CTBP1: variants seen among roughly 807,000 people sequenced by gnomAD.
The protein encoded by CTBP1 is C-terminal-binding protein 1.
CTBP1 carries 11 observed loss-of-function variants against 42.1 expected under a neutral mutation model. That is an observed-to-expected ratio of 0.26 (90% CI 0.16 to 0.43). The LOEUF (loss-of-function observed/expected upper bound fraction) is 0.43, where lower values mean the gene tolerates loss of function less well. Among genes scored for constraint, CTBP1 ranks in the 20% least tolerant of loss-of-function variants. The probability of loss-of-function intolerance (pLI) is 1.00; values close to 1 mark genes in which losing one functional copy is unlikely to be tolerated. For missense variants in CTBP1, 399 were observed against 624.3 expected (o/e 0.64, Z 3.85); for synonymous variants, 324 against 277.1 (o/e 1.17, Z -1.68).
chr4:1,242,533 C>A, intron 1 of CTBP1: 1 of 985,096 alleles, frequency 1.0e-6, no homozygotes, highest in Non-Finnish European at 1.2e-6. Context: ...ACTCCCTCTG[C>A]AGGATTCAAG....
chr4:1,232,468 C>T (rs750980830), intron 3 of CTBP1, among the ~76,000 whole-genome samples: 1 of 152,030 alleles, frequency 6.6e-6, no homozygotes, highest in Non-Finnish European at 1.5e-5. Flanking sequence ...CGCACCACCA[C>T]GCGTGGCTAA....
chr4:1,212,275 C>T lies in CTBP1; in HGVS notation c.1255G>A (p.Glu419Lys). Residue 419 changes from glutamate (E) to lysine (K), a missense_variant, in exon 10 of 10, where the codon GAG becomes AAG. Transcript: ENST00000382952. ...APSPGQTVKP[E>K]ADRDHASDQL ...TCACTGGCGTGGTCTCTATCCGCCT[C>T]GGGCTTGACGGTTTGGCCAGGAGAA... 1.7e-6 allele frequency: 2 copies of T among 1,152,566 alleles called. No individual in the cohort carries two copies. Among genetic ancestry groups the T allele is most frequent in the Non-Finnish European group, 1.1e-6 (1 of 870,408 alleles). The allele number at this position is 1,152,566 out of a possible 1,614,324, so 71.4% of individuals were successfully genotyped here.
intron 5 of CTBP1, chr4:1,216,928 G>A (rs1216470064): frequency 1.3e-5 from 2 of 153,138 alleles, no homozygotes; most frequent in Non-Finnish European, 2.9e-5. Flanking sequence ...CCAAGCCCGC[G>A]AACGTGGTGT....
intron 7 of CTBP1, 32 bp from the exon 8 acceptor site, chr4:1,213,637 C>T (rs1325434307): frequency 1.2e-6 from 2 of 1,604,016 alleles, no homozygotes; most frequent in East Asian, 4.5e-5. Flanking sequence ...TCAGTGCAGC[C>T]TGAGTGCTGT....
intron 1 of CTBP1, chr4:1,242,289 C>T (rs1458311403): frequency 1.0e-6 from 1 of 985,416 alleles, no homozygotes; most frequent in Non-Finnish European, 1.2e-6. Flanking sequence ...GCTGCCCACA[C>T]CTGGCCCCTG....
At position 1,229,188 on chromosome 4, in the gene CTBP1, G is replaced by C. The variant is rs541740035; in HGVS notation, c.163-845C>G. ...CCAGGGAGGGCAGGGGCAGTGTGGGGTGCAGAGGCACACAGGTGGAGGAAG... is the reference window on the plus strand; with the variant it reads ...CCAGGGAGGGCAGGGGCAGTGTGGGCTGCAGAGGCACACAGGTGGAGGAAG... On this transcript the variant is annotated intron_variant, in intron 3 of 9. Transcript: ENST00000382952. 6.6e-5 allele frequency among the ~76,000 whole-genome samples: 10 copies of C among 152,312 alleles called. 1 individual carries two copies. In the South Asian group the frequency reaches 2.1e-3, roughly 32 times the overall value.
intron 9 of CTBP1, 47 bp downstream of exon 9, chr4:1,212,866 G>C: frequency 5.3e-6 from 8 of 1,507,102 alleles, no homozygotes; most frequent in Non-Finnish European, 7.4e-6. Context: ...TCCAGGGGAA[G>C]CCTGGGGCCC....
chr4:1,237,772 G>A, intron 3 of CTBP1: 2 of 697,776 alleles, frequency 2.9e-6, no homozygotes. Flanking sequence ...TGGGGCTCAG[G>A]ACAAACCCCG....
At chr4:1,226,663 T>G (rs1441330975) in intron 4 of CTBP1, among the ~76,000 whole-genome samples, 1 of 147,992 alleles carries the variant, frequency 6.8e-6, no homozygotes, top group Non-Finnish European at 1.5e-5. Context: ...ACTCCACGGG[T>G]AACAGAGATG....
At chr4:1,236,355 C>T in intron 3 of CTBP1, 1 of 461,882 alleles carries the variant, frequency 2.2e-6, no homozygotes, top group Non-Finnish European at 3.9e-6. Flanking sequence ...CCAAAGGCTG[C>T]TCACTGCTGG....
intron 6 of CTBP1, among the ~76,000 whole-genome samples, chr4:1,214,756 G>A (rs2108708416): frequency 6.6e-6 from 1 of 152,296 alleles, no homozygotes; most frequent in Non-Finnish European, 1.5e-5. Context: ...ACTGGGCGGG[G>A]GCTCCTGGCT....
rs775346532 is a variant in CTBP1, at chr4:1,225,523, C to A, written c.351G>T (p.Thr117=). The part of the protein sequence containing the change: ...CNVPAASVEE[T]ADSTLCHILN... ...GGATGTGGCACAGCGTCGAGTCGGC[C>A]GTCTCCTCCACAGACGCCGCGGGCA... Residue 117 remains threonine, a synonymous_variant, in exon 5 of 10, where the codon ACG becomes ACT. Transcript: ENST00000382952. The A allele has an allele frequency of 2.6e-6, 4 of 1,544,410 alleles. No homozygotes were observed. In the African/African-American group the frequency reaches 5.5e-5, roughly 21 times the overall value.
rs537893393 is a variant in CTBP1 at position 1,213,150 on chromosome 4, G to A, written c.989-120C>T. ...CAGTGTGCTCCTCCCTCTCAGCCCCGGGGCTCCCAAGGCACGGCAGGGTCC... is the reference window on the plus strand; with the variant it reads ...CAGTGTGCTCCTCCCTCTCAGCCCCAGGGCTCCCAAGGCACGGCAGGGTCC... On this transcript the variant is annotated intron_variant, in intron 8 of 9. Coordinates refer to ENST00000382952, the MANE Select transcript of CTBP1 (RefSeq NM_001012614.2). 149 of 932,160 alleles carry A rather than the reference G, an allele frequency of 1.6e-4. No individual in the cohort carries two copies. The African/African-American group carries it at 1.9e-3, about 12-fold the overall frequency. The allele number at this position is 932,160 out of a possible 1,614,324, so 57.7% of individuals were successfully genotyped here.
chr4:1,225,479 G>T lies in CTBP1; in HGVS notation c.395C>A (p.Ala132Asp). Residue 132 changes from alanine to aspartate, a missense_variant, in exon 5 of 10, where the codon GCC becomes GAC. Ala to Asp is a moderately radical substitution (Grantham distance 126). Around this residue, in one of 4 missense-constraint regions of CTBP1, gnomAD observed 309 missense variants for 497.5 expected, o/e 0.62. Transcript: ENST00000382952. ...CCGCAGCGCCTGGTGCAGCCAGGTG[G>T]CCCGCCGGTACAGGTTCAGGATGTG... is the stretch of plus-strand genomic sequence containing the variant. ...LCHILNLYRR[A>D]TWLHQALREG... The T allele has an allele frequency of 6.5e-7, 1 of 1,542,556 alleles. No homozygotes were observed.
intron 1 of CTBP1, among the ~76,000 whole-genome samples, chr4:1,248,254 G>A (rs1213159427): frequency 6.6e-6 from 1 of 151,894 alleles, no homozygotes; most frequent in Non-Finnish European, 1.5e-5. Context: ...GGCCGGTCCG[G>A]GACCTCGCGG....
At chr4:1,231,378 C>T (rs1730954477) in intron 3 of CTBP1, among the ~76,000 whole-genome samples, 1 of 152,238 alleles carries the variant, frequency 6.6e-6, no homozygotes, top group Non-Finnish European at 1.5e-5. Flanking sequence ...CACCTCAAGC[C>T]AACACCCACT....
intron 4 of CTBP1, among the ~76,000 whole-genome samples, chr4:1,226,735 T>G (rs1730390668): frequency 6.6e-6 from 1 of 151,078 alleles, no homozygotes; most frequent in Admixed American, 6.6e-5. Flanking sequence ...CACCCAGGCC[T>G]GCACCCGACA....
intron 3 of CTBP1, among the ~76,000 whole-genome samples, chr4:1,230,562 G>C (rs1033204588): frequency 6.6e-6 from 1 of 152,182 alleles, no homozygotes; most frequent in African/African-American, 2.4e-5. Flanking sequence ...GGATGTGCAG[G>C]GGCCACTTCC....
chr4:1,234,597 G>A (rs1731291390), intron 3 of CTBP1: 1 of 152,258 alleles, frequency 6.6e-6, no homozygotes, highest in Non-Finnish European at 1.5e-5. Flanking sequence ...GGCAGTTTGG[G>A]ATTACTGCAA....
Sources: allele counts gnomAD v4.1 joint callset (sites outside exome capture counted in the v4.1 genomes callset), GRCh38; gene constraint gnomAD v4.1.1; regional missense constraint gnomAD v4.1.1; transcripts MANE v1.5; gene names NCBI Gene and HGNC (gene_info 2026-07-23, HGNC 2026-07-21).